The following ULK4 variants were observed in gnomAD, a reference collection of about 807,000 sequenced individuals.
ULK4 encodes unc-51 like kinase 4.
ULK4 carries 133 observed loss-of-function variants against 160.6 expected under a neutral mutation model. That is an observed-to-expected ratio of 0.83 (90% confidence interval 0.72 to 0.96). The LOEUF (loss-of-function observed/expected upper bound fraction) is 0.96, where lower values mean the gene tolerates loss of function less well. Among genes scored for constraint, ULK4 ranks in the 40% least tolerant of loss-of-function variants. The pLI is 0.00. For synonymous variants in ULK4, 534 were observed against 539.8 expected (o/e 0.99, Z 0.15); for missense variants, 1,580 against 1,499.5 (o/e 1.05, Z -0.89).
intron 20 of ULK4, among the ~76,000 whole-genome samples, chr3:41,793,808 T>C (rs1291489721): frequency 1.3e-5 from 2 of 152,226 alleles, no homozygotes; most frequent in African/African-American, 4.8e-5. Flanking sequence ...CACTTTTATC[T>C]ATTCAACACA....
At chr3:41,899,999 A>T (rs867730753) in intron 13 of ULK4, among the ~76,000 whole-genome samples, 8 of 152,340 alleles carry the variant, frequency 5.3e-5, no homozygotes, top group Middle Eastern at 6.8e-3. Flanking sequence ...TAAATAAGAA[A>T]AAGAAGCAGG....
intron 35 of ULK4, among the ~76,000 whole-genome samples, chr3:41,392,488 A>G (rs1395961059): frequency 6.6e-6 from 1 of 152,168 alleles, no homozygotes; most frequent in African/African-American, 2.4e-5. Flanking sequence ...GGGATCTGCT[A>G]CATTATTCCC....
chr3:41,279,516 A>AC (rs1365312140), intron 35 of ULK4, among the ~76,000 whole-genome samples: 1 of 152,110 alleles, frequency 6.6e-6, no homozygotes, highest in African/African-American at 2.4e-5. Flanking sequence ...TGTCAGATGC[A>AC]CCAAGGTTGA....
intron 30 of ULK4, among the ~76,000 whole-genome samples, chr3:41,625,392 C>CT (rs2033455865): frequency 2.0e-5 from 3 of 152,152 alleles, no homozygotes; most frequent in Non-Finnish European, 4.4e-5. Context: ...GGTCTCCTTA[C>CT]TTTAAGCATC....
At chr3:41,615,880 A>T (rs1200686295) in intron 30 of ULK4, among the ~76,000 whole-genome samples, 163 bp from the exon 31 acceptor site, 1 of 152,236 alleles carries the variant, frequency 6.6e-6, no homozygotes, top group Non-Finnish European at 1.5e-5. Flanking sequence ...TATAGCTATT[A>T]AACAAGAAAT....
intron 35 of ULK4, among the ~76,000 whole-genome samples, chr3:41,305,755 C>CCAGTCTG (rs1575415193): frequency 1.3e-5 from 2 of 149,662 alleles, no homozygotes; most frequent in Admixed American, 6.6e-5. Flanking sequence ...GCCCGGCCGC[C>CCAGTCTG]GTCCCACCTA....
chr3:41,574,323 T>A (rs368284909), intron 31 of ULK4, among the ~76,000 whole-genome samples: 2 of 152,210 alleles, frequency 1.3e-5, no homozygotes, highest in African/African-American at 4.8e-5. Flanking sequence ...AACCTTAGAA[T>A]CATCGGGACT....
chr3:41,688,900 C>T (rs762406459), intron 27 of ULK4, among the ~76,000 whole-genome samples: 7 of 152,160 alleles, frequency 4.6e-5, no homozygotes, highest in Non-Finnish European at 8.8e-5. Context: ...TAACCCACAA[C>T]CTCTACAGGA....
intron 32 of ULK4, among the ~76,000 whole-genome samples, chr3:41,551,219 T>C (rs1300356800): frequency 6.6e-6 from 1 of 150,936 alleles, no homozygotes; most frequent in Admixed American, 6.6e-5. Context: ...AAAACATACC[T>C]AAAGAAACCA....
At chr3:41,520,331 C>T (rs920068443) in intron 32 of ULK4, among the ~76,000 whole-genome samples, 1 of 152,122 alleles carries the variant, frequency 6.6e-6, no homozygotes, top group Admixed American at 6.6e-5. Context: ...CTGTGCCTGG[C>T]TTCTTTCAGT....
chr3:41,760,898 A>G (rs368515245), intron 21 of ULK4, among the ~76,000 whole-genome samples: 3 of 102,326 alleles, frequency 2.9e-5, no homozygotes, highest in Non-Finnish European at 6.4e-5. Flanking sequence ...GTACATCCAC[A>G]TAATGAAACA....
At chr3:41,383,496 A>T (rs1439688160) in intron 35 of ULK4, among the ~76,000 whole-genome samples, 1 of 152,218 alleles carries the variant, frequency 6.6e-6, no homozygotes, top group Non-Finnish European at 1.5e-5. Context: ...CACTAAAGAC[A>T]TCCCAAATTA....
At chr3:41,325,033 T>C (rs1020684019) in intron 35 of ULK4, among the ~76,000 whole-genome samples, 1 of 152,112 alleles carries the variant, frequency 6.6e-6, no homozygotes, top group Non-Finnish European at 1.5e-5. Context: ...AGCAGGAAGA[T>C]GGGGGAGGAC....
At chr3:41,765,108 G>GT (rs1267824063) in intron 21 of ULK4, among the ~76,000 whole-genome samples, 7 of 152,116 alleles carry the variant, frequency 4.6e-5, no homozygotes, top group African/African-American at 1.7e-4. Context: ...ACATGCACAC[G>GT]TTATGTTTAT....
intron 35 of ULK4, among the ~76,000 whole-genome samples, chr3:41,332,010 ATAG>A (rs1251478496): frequency 6.6e-6 from 1 of 152,232 alleles, no homozygotes; most frequent in African/African-American, 2.4e-5. Context: ...GCTAAAATAA[ATAG>A]TTGTTAAAAT....
chr3:41,559,604 A>T (rs1208809394), intron 32 of ULK4, among the ~76,000 whole-genome samples: 1 of 151,738 alleles, frequency 6.6e-6, no homozygotes, highest in Non-Finnish European at 1.5e-5. Context: ...TGTGGTTTTG[A>T]TTTGCATTTC....
chr3:41,753,758 T>C (rs898583449), intron 22 of ULK4, among the ~76,000 whole-genome samples: 4 of 152,246 alleles, frequency 2.6e-5, no homozygotes, highest in Non-Finnish European at 5.9e-5. Context: ...CTGCTTTGGA[T>C]TGTTCTCAGA....
At chr3:41,434,015 C>T (rs1198892113) in intron 34 of ULK4, among the ~76,000 whole-genome samples, 1 of 152,208 alleles carries the variant, frequency 6.6e-6, no homozygotes, top group African/African-American at 2.4e-5. Context: ...AGCCACCACA[C>T]CCGGCCTATC....
intron 33 of ULK4, 110 bp from the exon 34 acceptor site, chr3:41,455,705 A>T: frequency 3.5e-6 from 3 of 857,208 alleles, no homozygotes; most frequent in Non-Finnish European, 5.6e-6. Context: ...GAAGCATTCT[A>T]CCTCAGTTCC....
Sources: allele counts gnomAD v4.1 joint callset (sites outside exome capture counted in the v4.1 genomes callset), GRCh38; gene constraint gnomAD v4.1.1; transcripts MANE v1.5; gene names NCBI Gene and HGNC (gene_info 2026-07-23, HGNC 2026-07-21).